Variants in COMMD10 observed in about 807,000 individuals in gnomAD.
COMMD10 encodes COMM domain containing 10, also known as COMM domain-containing protein 10.
In COMMD10, 33 loss-of-function variants were observed where a neutral mutation model predicts 28.9. The ratio of observed to expected loss-of-function variants is 1.14; its 90% CI spans 0.87 to 1.53. The LOEUF (loss-of-function observed/expected upper bound fraction) is 1.53, where lower values mean the gene tolerates loss of function less well. Among genes scored for constraint, COMMD10 ranks in the 40% most tolerant of loss-of-function variants. The pLI, the probability that COMMD10 is intolerant of heterozygous loss-of-function variation, is 0.00. For missense variants in COMMD10, 310 were observed against 233.4 expected (o/e 1.33, Z -2.14); for synonymous variants, 110 against 81.7 (o/e 1.35, Z -1.87).
chr5:116,289,511 C>A (rs1313790865), intron 5 of COMMD10, among the ~76,000 whole-genome samples: 1 of 151,850 alleles, frequency 6.6e-6, no homozygotes, highest in Non-Finnish European at 1.5e-5. Context: ...ATGCCTCTCA[C>A]CTCTGTTTTC....
At chr5:116,150,334 A>G (rs11241369) in intron 5 of COMMD10, among the ~76,000 whole-genome samples, 124,293 of 151,606 alleles carry the variant, frequency 0.82, 51,102 homozygotes, top group African/African-American at 0.84. Context: ...TGACTTGGCA[A>G]TGCGGGCTCT....
At position 116,210,919 on chromosome 5, in the gene COMMD10, GA is replaced by G. The variant is rs1264990643; in HGVS notation, c.510+76745del. On this transcript the variant is annotated intron_variant, in intron 5 of 6. Transcript: ENST00000274458. ...TGCTTTGCCTATTATTATTCCTCTAGAAAAGATAATAATAATACATAGTTAC... is the reference window on the plus strand; with the variant it reads ...TGCTTTGCCTATTATTATTCCTCTAGAAAGATAATAATAATACATAGTTAC... 4.8e-3 allele frequency among the ~76,000 whole-genome samples: 729 copies of G among 152,080 alleles called. 7 individuals are homozygous for G. Among genetic ancestry groups the G allele is most frequent in the African/African-American group, 0.015 (618 of 41,522 alleles).
chr5:116,292,130 A>G (rs200423875), intron 6 of COMMD10, among the ~76,000 whole-genome samples: 3 of 152,080 alleles, frequency 2.0e-5, no homozygotes, highest in East Asian at 3.9e-4. Flanking sequence ...TAAGCCTCCA[A>G]TAAAACCCCA....
At chr5:116,176,890 A>T (rs1198481151) in intron 5 of COMMD10, among the ~76,000 whole-genome samples, 1 of 152,182 alleles carries the variant, frequency 6.6e-6, no homozygotes, top group Non-Finnish European at 1.5e-5. Flanking sequence ...TGTAACAAAC[A>T]TACTAGGCCT....
intron 5 of COMMD10, among the ~76,000 whole-genome samples, chr5:116,278,039 T>A (rs958311928): frequency 6.6e-6 from 1 of 151,796 alleles, no homozygotes; most frequent in Non-Finnish European, 1.5e-5. Flanking sequence ...TGTTTAAAAT[T>A]TACCCAGAAT....
At chr5:116,206,523 A>T (rs1405017980) in intron 5 of COMMD10, among the ~76,000 whole-genome samples, 1 of 152,074 alleles carries the variant, frequency 6.6e-6, no homozygotes, top group African/African-American at 2.4e-5. Context: ...GTGGTGGTGC[A>T]CGCCTGTAAT....
intron 5 of COMMD10, among the ~76,000 whole-genome samples, chr5:116,278,635 C>G (rs1456887622): frequency 6.6e-6 from 1 of 151,776 alleles, no homozygotes; most frequent in Non-Finnish European, 1.5e-5. Context: ...TTCATGCGCT[C>G]TCTTATACGA....
At chr5:116,117,213 T>C (rs182446827) in intron 4 of COMMD10, among the ~76,000 whole-genome samples, 388 of 152,344 alleles carry the variant, frequency 2.5e-3, no homozygotes, top group Non-Finnish European at 4.4e-3. Context: ...CTGGCTAATA[T>C]GAGTAAGATT....
chr5:116,200,160 AATT>A (rs1223060191), intron 5 of COMMD10, among the ~76,000 whole-genome samples: 6 of 152,064 alleles, frequency 3.9e-5, no homozygotes, highest in African/African-American at 9.7e-5. Flanking sequence ...TGCACAATTA[AATT>A]ATTATTAACT....
intron 5 of COMMD10, among the ~76,000 whole-genome samples, chr5:116,142,873 G>T (rs10051697): frequency 0.11 from 16,032 of 151,520 alleles, 948 homozygotes; most frequent in African/African-American, 0.15. Context: ...AAGATACTTT[G>T]AAAACAAAGC....
intron 5 of COMMD10, among the ~76,000 whole-genome samples, chr5:116,242,648 T>C (rs939564204): frequency 6.6e-6 from 1 of 152,004 alleles, no homozygotes; most frequent in Admixed American, 6.6e-5. Context: ...GAAAGGGGAG[T>C]GCAGAAAGAG....
At chr5:116,218,302 G>T (rs575617927) in intron 5 of COMMD10, 26 of 710,674 alleles carry the variant, frequency 3.7e-5, no homozygotes, top group South Asian at 3.6e-4. Context: ...GCATGGTGGT[G>T]GCAGTGATGG....
intron 4 of COMMD10, among the ~76,000 whole-genome samples, chr5:116,100,152 G>A (rs1750610888): frequency 6.6e-6 from 1 of 152,030 alleles, no homozygotes; most frequent in African/African-American, 2.4e-5. Flanking sequence ...GTATCATGTT[G>A]GAGTTCAAAG....
rs181739590 is a variant in COMMD10, at chr5:116,285,714, A to T, written c.511-5803A>T. 2.4e-3 allele frequency among the ~76,000 whole-genome samples: 359 copies of T among 152,074 alleles called. 2 individuals are homozygous for T. Among genetic ancestry groups the T allele is most frequent in the South Asian group, 7.5e-3 (36 of 4,828 alleles). On this transcript the variant is annotated intron_variant, in intron 5 of 6. Coordinates refer to ENST00000274458, the MANE Select transcript of COMMD10 (RefSeq NM_016144.4). The stretch of plus-strand genomic sequence containing the variant: ...TGTAGAAATAAATACTACTTGTATA[A>T]TGATATGTAGTATACCATGGTGTAT...
At chr5:116,243,820 C>T (rs957210350) in intron 5 of COMMD10, among the ~76,000 whole-genome samples, 6 of 152,136 alleles carry the variant, frequency 3.9e-5, no homozygotes, top group African/African-American at 1.4e-4. Context: ...GAGTGATAGG[C>T]AGTAAACTGC....
At chr5:116,105,438 G>C (rs571527825) in intron 4 of COMMD10, among the ~76,000 whole-genome samples, 1 of 152,276 alleles carries the variant, frequency 6.6e-6, no homozygotes, top group Admixed American at 6.5e-5. Flanking sequence ...TTGTGTCTCT[G>C]CCAGGTTTTG....
chr5:116,271,814 A>G (rs141266311), intron 5 of COMMD10, among the ~76,000 whole-genome samples: 2 of 152,032 alleles, frequency 1.3e-5, no homozygotes, highest in East Asian at 1.9e-4. Flanking sequence ...CCTACTTTAC[A>G]TAATATTGCT....
intron 2 of COMMD10, 70 bp downstream of exon 2, chr5:116,087,657 G>A (rs1750151683): frequency 5.4e-6 from 6 of 1,113,518 alleles, no homozygotes. Context: ...ATTATTTGGA[G>A]AACTTTTTGC....
At chr5:116,249,142 T>C (rs1347241532) in intron 5 of COMMD10, among the ~76,000 whole-genome samples, 1 of 151,990 alleles carries the variant, frequency 6.6e-6, no homozygotes, top group East Asian at 1.9e-4. Flanking sequence ...AAATTCTTAT[T>C]ACCTTGGTAT....
Sources: gnomAD v4.1 joint callset for allele counts (sites outside exome capture counted in the v4.1 genomes callset) on GRCh38, gnomAD v4.1.1 for gene constraint, MANE v1.5 for transcripts, NCBI Gene and HGNC (gene_info 2026-07-23, HGNC 2026-07-21) for gene names.